Variants in LRMDA observed in about 807,000 individuals in gnomAD.
The protein encoded by LRMDA is leucine rich melanocyte differentiation associated.
Under a neutral mutation model 29.8 loss-of-function variants are expected in LRMDA, and 18 were observed. The observed-to-expected ratio is 0.60, with a 90% CI of 0.42 to 0.90. LRMDA has a LOEUF of 0.90. Ranked by LOEUF, LRMDA falls within the 40% of genes least tolerant of loss-of-function variation. The pLI is 0.00. For synonymous variants in LRMDA, 125 were observed against 109.4 expected (o/e 1.14, Z -0.89); for missense variants, 273 against 273.9 (o/e 1.00, Z 0.02).
intron 5 of LRMDA, among the ~76,000 whole-genome samples, chr10:76,133,462 C>T (rs1050340776): frequency 6.6e-6 from 1 of 152,118 alleles, no homozygotes; most frequent in Non-Finnish European, 1.5e-5. Context: ...TGTCTGCTTT[C>T]CTTCCCCAGA....
chr10:76,334,962 A>G (rs560122188), intron 6 of LRMDA, among the ~76,000 whole-genome samples: 1 of 152,326 alleles, frequency 6.6e-6, no homozygotes, highest in East Asian at 1.9e-4. Flanking sequence ...GGAAGAGTGC[A>G]GAGAAGGGAG....
At chr10:75,857,503 C>A (rs961727641) in intron 2 of LRMDA, among the ~76,000 whole-genome samples, 4 of 152,192 alleles carry the variant, frequency 2.6e-5, no homozygotes, top group African/African-American at 9.7e-5. Context: ...GCTGAATTTG[C>A]TGTTTGCTCA....
At chr10:75,592,987 C>A (rs1681401039) in intron 2 of LRMDA, among the ~76,000 whole-genome samples, 1 of 152,094 alleles carries the variant, frequency 6.6e-6, no homozygotes, top group Non-Finnish European at 1.5e-5. Flanking sequence ...CTTCCATAAT[C>A]ATCTCCACCC....
intron 2 of LRMDA, among the ~76,000 whole-genome samples, chr10:75,686,400 A>G (rs544303591): frequency 7.2e-5 from 11 of 152,148 alleles, no homozygotes; most frequent in Non-Finnish European, 1.5e-4. Context: ...ACTAAGAAAG[A>G]GCACCATATT....
intron 6 of LRMDA, among the ~76,000 whole-genome samples, chr10:76,531,428 G>A (rs1439409201): frequency 6.6e-6 from 1 of 152,098 alleles, no homozygotes; most frequent in African/African-American, 2.4e-5. Flanking sequence ...TATAGTTTTT[G>A]TTTGTAGATA....
At chr10:76,531,900 T>A (rs1843238082) in intron 6 of LRMDA, among the ~76,000 whole-genome samples, 1 of 152,208 alleles carries the variant, frequency 6.6e-6, no homozygotes, top group African/African-American at 2.4e-5. Context: ...TTAAAACCAT[T>A]TGGGCCTGGA....
At chr10:76,357,203 G>C (rs1033966590) in intron 6 of LRMDA, among the ~76,000 whole-genome samples, 3 of 152,144 alleles carry the variant, frequency 2.0e-5, no homozygotes, top group Non-Finnish European at 4.4e-5. Flanking sequence ...CTTTGCAGTT[G>C]TAACTCTTGT....
chr10:75,618,380 CTCTATATATATA>C (rs1277349513), intron 2 of LRMDA, among the ~76,000 whole-genome samples: 1,159 of 55,264 alleles, frequency 0.021, 23 homozygotes, highest in Admixed American at 0.077. Context: ...CTCTCTCTCT[CTCTATATATATA>C]TATATATATA....
intron 2 of LRMDA, among the ~76,000 whole-genome samples, chr10:75,454,358 G>C (rs1463457006): frequency 6.6e-6 from 1 of 152,158 alleles, no homozygotes; most frequent in Non-Finnish European, 1.5e-5. Context: ...CTTTGGGGTA[G>C]TAAAACGGGC....
chr10:76,151,316 G>A (rs931544887), intron 5 of LRMDA, among the ~76,000 whole-genome samples: 2 of 152,154 alleles, frequency 1.3e-5, no homozygotes, highest in African/African-American at 2.4e-5. Flanking sequence ...CTGTTCTTCT[G>A]AAAGAGGTCT....
At chr10:76,530,817 AC>A (rs1461653583) in intron 6 of LRMDA, among the ~76,000 whole-genome samples, 2 of 152,180 alleles carry the variant, frequency 1.3e-5, no homozygotes, top group Non-Finnish European at 1.5e-5. Context: ...ACCGTACTCC[AC>A]GTGGTGTTCT....
chr10:76,299,449 AG>A (rs1481846854), intron 5 of LRMDA, among the ~76,000 whole-genome samples: 1 of 152,154 alleles, frequency 6.6e-6, no homozygotes, highest in Non-Finnish European at 1.5e-5. Flanking sequence ...GCTTCTCAAA[AG>A]GTTTTACCTG....
chr10:76,421,083 C>T (rs1403394848), intron 6 of LRMDA, among the ~76,000 whole-genome samples: 3 of 152,034 alleles, frequency 2.0e-5, no homozygotes, highest in African/African-American at 7.2e-5. Context: ...TTATTTAATT[C>T]CTTTTTGTTA....
At chr10:76,147,504 C>A (rs1337324933) in intron 5 of LRMDA, among the ~76,000 whole-genome samples, 1 of 152,164 alleles carries the variant, frequency 6.6e-6, no homozygotes, top group African/African-American at 2.4e-5. Context: ...GCATTCGTCA[C>A]GTAGCTCTCG....
chr10:76,351,075 A>C (rs1399737142), intron 6 of LRMDA, among the ~76,000 whole-genome samples: 1 of 152,168 alleles, frequency 6.6e-6, no homozygotes, highest in Non-Finnish European at 1.5e-5. Flanking sequence ...ATAAAAAAAT[A>C]CTAGATCAGT....
intron 2 of LRMDA, among the ~76,000 whole-genome samples, chr10:75,867,660 C>T (rs548329302): frequency 6.6e-6 from 1 of 152,282 alleles, no homozygotes; most frequent in South Asian, 2.1e-4. Flanking sequence ...GAATTTATCC[C>T]TAAAAACCCC....
At chr10:76,029,797 A>G (rs964614222) in intron 2 of LRMDA, among the ~76,000 whole-genome samples, 1 of 152,090 alleles carries the variant, frequency 6.6e-6, no homozygotes, top group Non-Finnish European at 1.5e-5. Context: ...TGAGTGTTGA[A>G]TTTTACTGTC....
chr10:76,416,671 A>C (rs1020277400), intron 6 of LRMDA, among the ~76,000 whole-genome samples: 1 of 152,252 alleles, frequency 6.6e-6, no homozygotes, highest in Non-Finnish European at 1.5e-5. Flanking sequence ...TCTGCTTAAC[A>C]GGCTCATGTG....
intron 2 of LRMDA, among the ~76,000 whole-genome samples, chr10:75,639,673 T>G (rs1172259862): frequency 1.3e-5 from 2 of 152,118 alleles, no homozygotes; most frequent in African/African-American, 4.8e-5. Context: ...GTGCTTCAGA[T>G]GGTTAACAGG....
Sources: gnomAD v4.1 joint callset for allele counts (sites outside exome capture counted in the v4.1 genomes callset) on GRCh38, gnomAD v4.1.1 for gene constraint, MANE v1.5 for transcripts, NCBI Gene and HGNC (gene_info 2026-07-23, HGNC 2026-07-21) for gene names.